Variants in XYLT1 observed in about 807,000 individuals in gnomAD.
The protein encoded by XYLT1 is xylosyltransferase 1, also known as beta-D-xylosyltransferase 1.
XYLT1 carries 36 observed loss-of-function variants against 91.3 expected under a neutral mutation model. That is an observed-to-expected ratio of 0.39 (90% CI 0.30 to 0.52). XYLT1 has a LOEUF of 0.52. Among genes scored for constraint, XYLT1 ranks in the 20% least tolerant of loss-of-function variants. The pLI is 0.68. For missense variants in XYLT1, 1,242 were observed against 1,284.5 expected, an observed-to-expected ratio of 0.97 and a Z score of 0.51; for synonymous variants, 588 against 532.0, an observed-to-expected ratio of 1.11 and a Z score of -1.45.
rs374567962 is a variant in XYLT1, at chr16:17,256,649, G to GAAA, written c.913+2336_913+2338dup. ...TGATGACAGAGTGAGACTCCGTCTC[G>GAAA]AAAAAAAAAACAAAAAAAAGAGTAG... is the stretch of plus-strand genomic sequence containing the variant. On this transcript the variant is annotated intron_variant, in intron 3 of 11. Transcript: ENST00000261381. Among the ~76,000 whole-genome samples, 346 of 114,196 alleles carry GAAA rather than the reference G, an allele frequency of 3.0e-3. 5 individuals carry two copies. The highest frequency in any genetic ancestry group is 0.012 in the African/African-American group (308 of 26,534). The allele number at this position is 114,196 out of a possible 152,430, so 74.9% of individuals were successfully genotyped here.
At chr16:17,412,969 T>C (rs1279219886) in intron 1 of XYLT1, among the ~76,000 whole-genome samples, 2 of 152,192 alleles carry the variant, frequency 1.3e-5, no homozygotes, top group Admixed American at 6.5e-5. Flanking sequence ...GCGACCAATA[T>C]AGGCCAAGTG....
At chr16:17,340,722 G>C (rs776963914) in intron 2 of XYLT1, among the ~76,000 whole-genome samples, 1 of 152,336 alleles carries the variant, frequency 6.6e-6, no homozygotes, top group East Asian at 1.9e-4. Flanking sequence ...AGATTAAAGA[G>C]AATCTTCCTT....
At chr16:17,383,681 G>A (rs1394842090) in intron 1 of XYLT1, among the ~76,000 whole-genome samples, 1 of 151,776 alleles carries the variant, frequency 6.6e-6, no homozygotes, top group Non-Finnish European at 1.5e-5. Flanking sequence ...TTGGGCACTG[G>A]AAACAGGCCA....
At chr16:17,342,305 C>T (rs1252713122) in intron 2 of XYLT1, among the ~76,000 whole-genome samples, 1 of 152,206 alleles carries the variant, frequency 6.6e-6, no homozygotes, top group African/African-American at 2.4e-5. Context: ...TCAAACACTG[C>T]TGCATGGAAT....
At chr16:17,234,180 G>C (rs575713195) in intron 3 of XYLT1, among the ~76,000 whole-genome samples, 16 of 152,300 alleles carry the variant, frequency 1.1e-4, no homozygotes, top group Middle Eastern at 3.4e-3. Context: ...CTGGAGGGAT[G>C]AAGTGATTTG....
chr16:17,439,071 G>A (rs73527445), intron 1 of XYLT1, among the ~76,000 whole-genome samples: 1,715 of 152,226 alleles, frequency 0.011, 25 homozygotes, highest in African/African-American at 0.039. Context: ...AGAAATATTG[G>A]TAAATTCTGG....
At chr16:17,376,629 C>A (rs2035604745) in intron 1 of XYLT1, among the ~76,000 whole-genome samples, 1 of 152,078 alleles carries the variant, frequency 6.6e-6, no homozygotes, top group Non-Finnish European at 1.5e-5. Context: ...GAGTTCAAGA[C>A]CGGCCTGACC....
At chr16:17,452,076 C>T (rs1436109561) in intron 1 of XYLT1, among the ~76,000 whole-genome samples, 1 of 152,148 alleles carries the variant, frequency 6.6e-6, no homozygotes, top group Non-Finnish European at 1.5e-5. Context: ...GGTTCCCTTA[C>T]TCAATTGCTA....
intron 2 of XYLT1, among the ~76,000 whole-genome samples, chr16:17,306,621 G>A (rs1169360675): frequency 6.6e-6 from 1 of 151,824 alleles, no homozygotes; most frequent in Non-Finnish European, 1.5e-5. Flanking sequence ...ATACGTGTGT[G>A]TTTCACTTTA....
chr16:17,177,506 G>T (rs146022723), intron 5 of XYLT1, among the ~76,000 whole-genome samples: 34 of 152,284 alleles, frequency 2.2e-4, no homozygotes, highest in African/African-American at 8.2e-4. Flanking sequence ...TTCTATTGGT[G>T]TCTGTAACCC....
chr16:17,141,119 T>C (rs1244137161), intron 7 of XYLT1, 34 bp downstream of exon 7: 1 of 1,605,194 alleles, frequency 6.2e-7, no homozygotes, highest in Non-Finnish European at 8.5e-7. Context: ...AACAAGCCCC[T>C]ATCTTTCTTG....
intron 3 of XYLT1, among the ~76,000 whole-genome samples, chr16:17,223,124 T>G (rs549159373): frequency 1.3e-5 from 2 of 152,190 alleles, no homozygotes; most frequent in South Asian, 4.2e-4. Context: ...GAACATATTC[T>G]AAGACTAACC....
intron 2 of XYLT1, among the ~76,000 whole-genome samples, chr16:17,264,993 C>T (rs2141765534): frequency 6.6e-6 from 1 of 152,264 alleles, no homozygotes; most frequent in East Asian, 1.9e-4. Flanking sequence ...TCGAGACCAT[C>T]CTGGCTAACA....
At chr16:17,199,248 T>C (rs2032488323) in intron 4 of XYLT1, among the ~76,000 whole-genome samples, 1 of 152,224 alleles carries the variant, frequency 6.6e-6, no homozygotes, top group South Asian at 2.1e-4. Flanking sequence ...CCTTCTTGAC[T>C]AAAGGCATAA....
intron 2 of XYLT1, among the ~76,000 whole-genome samples, chr16:17,337,781 CTTTTTT>C (rs10675523): frequency 4.3e-4 from 53 of 124,436 alleles, no homozygotes; most frequent in Non-Finnish European, 4.6e-4. Context: ...TTTTCTTTTT[CTTTTTT>C]TTTTTTTTTG....
chr16:17,274,364 T>C (rs962843592), intron 2 of XYLT1, among the ~76,000 whole-genome samples: 1 of 152,130 alleles, frequency 6.6e-6, no homozygotes, highest in African/African-American at 2.4e-5. Context: ...TTTAAAAGAT[T>C]TGTGACATTG....
At chr16:17,156,086 G>C (rs1424294222) in intron 6 of XYLT1, among the ~76,000 whole-genome samples, 2 of 152,124 alleles carry the variant, frequency 1.3e-5, no homozygotes, top group Non-Finnish European at 2.9e-5. Flanking sequence ...AATGAGTATA[G>C]GTCTATTAAT....
intron 1 of XYLT1, among the ~76,000 whole-genome samples, chr16:17,466,659 A>G (rs938385642): frequency 4.6e-5 from 7 of 152,260 alleles, no homozygotes; most frequent in African/African-American, 1.4e-4. Context: ...GAGAACGTCT[A>G]AAGTATGAAA....
chr16:17,201,061 T>C (rs1412511067), intron 3 of XYLT1, among the ~76,000 whole-genome samples: 1 of 152,232 alleles, frequency 6.6e-6, no homozygotes. Flanking sequence ...TCATTCTCCC[T>C]TCTTCTAATA....
Sources: allele counts gnomAD v4.1 joint callset (sites outside exome capture counted in the v4.1 genomes callset), GRCh38; gene constraint gnomAD v4.1.1; transcripts MANE v1.5; gene names NCBI Gene and HGNC (gene_info 2026-07-23, HGNC 2026-07-21).